Variants in TSPAN5 observed in about 807,000 individuals in gnomAD.
TSPAN5 encodes tetraspanin-5.
TSPAN5 carries 10 observed loss-of-function variants against 37.1 expected under a neutral mutation model. The ratio of observed to expected loss-of-function variants is 0.27; its 90% CI spans 0.17 to 0.46. The LOEUF (loss-of-function observed/expected upper bound fraction) is 0.46. Among genes scored for constraint, TSPAN5 ranks in the 20% least tolerant of loss-of-function variants. The pLI, the probability that TSPAN5 is intolerant of heterozygous loss-of-function variation, is 1.00. For missense variants in TSPAN5, 195 were observed against 326.6 expected, an observed-to-expected ratio of 0.60 and a Z score of 3.11; for synonymous variants, 110 against 118.9, an observed-to-expected ratio of 0.93 and a Z score of 0.48.
intron 1 of TSPAN5, among the ~76,000 whole-genome samples, chr4:98,533,543 C>CATTTTTTTTTTTTTTTT (rs1754149818): frequency 1.7e-5 from 1 of 58,582 alleles, no homozygotes; most frequent in Non-Finnish European, 2.7e-5. Context: ...TCCCCTATAT[C>CATTTTTTTTTTTTTTTT]TTTTTTTTTT....
At chr4:98,552,466 T>A (rs1283717677) in intron 1 of TSPAN5, among the ~76,000 whole-genome samples, 2 of 152,206 alleles carry the variant, frequency 1.3e-5, no homozygotes, top group Non-Finnish European at 2.9e-5. Flanking sequence ...AGTTTTCCTG[T>A]GTGCTTGTAG....
Position 98,618,845 on chromosome 4 carries a change from T to C in TSPAN5, c.81+39301A>G, listed in dbSNP as rs186453257. On this transcript the variant is annotated intron_variant, in intron 1 of 7. Transcript: ENST00000305798. ...AATTTACAGGCAAAGACAGGGAAAT[T>C]GGCACTCATCTAACAAGTCTATAGC... Among the ~76,000 whole-genome samples the C allele has an allele frequency of 3.5e-3, 539 of 152,280 alleles. 17 individuals carry two copies. Among genetic ancestry groups the C allele is most frequent in the Admixed American group, 0.033 (500 of 15,296 alleles).
chr4:98,635,799 T>C (rs1046268620), intron 1 of TSPAN5, among the ~76,000 whole-genome samples: 1 of 152,180 alleles, frequency 6.6e-6, no homozygotes, highest in African/African-American at 2.4e-5. Context: ...ATTAGACAAA[T>C]ACTCTTTTTA....
chr4:98,626,886 G>GTTTTTTTTTTTTTTTTTTT, intron 1 of TSPAN5, among the ~76,000 whole-genome samples: 1 of 83,484 alleles, frequency 1.2e-5, no homozygotes, highest in Non-Finnish European at 2.2e-5. Context: ...ATGAGAGCAG[G>GTTTTTTTTTTTTTTTTTTT]TTTTTTTTTT....
At chr4:98,492,800 G>C (rs1753112658) in intron 2 of TSPAN5, among the ~76,000 whole-genome samples, 1 of 152,128 alleles carries the variant, frequency 6.6e-6, no homozygotes. Flanking sequence ...GAACTTTTAG[G>C]TGATTTGTCT....
rs143623890 is a variant in TSPAN5 at position 98,657,197 on chromosome 4, A to G, written c.81+949T>C. The stretch of plus-strand genomic sequence containing the variant: ...GCTGAACACGTTTGCCAGATCAAGG[A>G]AAAGAATCAAAACAAACAAACAAAC... On this transcript the variant is annotated intron_variant, in intron 1 of 7. Transcript: ENST00000305798. Among the ~76,000 whole-genome samples, 122 of 152,296 alleles carry G rather than the reference A, an allele frequency of 8.0e-4. 2 individuals carry two copies. Among genetic ancestry groups the G allele is most frequent in the Admixed American group, 1.4e-3 (21 of 15,294 alleles).
intron 1 of TSPAN5, among the ~76,000 whole-genome samples, chr4:98,601,882 A>G (rs1469956999): frequency 6.6e-6 from 1 of 152,168 alleles, no homozygotes; most frequent in African/African-American, 2.4e-5. Flanking sequence ...TTTCACTTAA[A>G]CACTGAGAAA....
chr4:98,499,082 G>A (rs1753283394), intron 2 of TSPAN5, among the ~76,000 whole-genome samples: 1 of 152,212 alleles, frequency 6.6e-6, no homozygotes, highest in South Asian at 2.1e-4. Flanking sequence ...GGGCTGCCAG[G>A]TGGTCACCTG....
intron 1 of TSPAN5, among the ~76,000 whole-genome samples, chr4:98,539,197 G>C (rs984733896): frequency 6.6e-6 from 1 of 150,768 alleles, no homozygotes; most frequent in Non-Finnish European, 1.5e-5. Context: ...TTGTATGTTT[G>C]AAGTAGTCAA....
chr4:98,582,156 C>T (rs1348689115), intron 1 of TSPAN5, among the ~76,000 whole-genome samples: 1 of 152,198 alleles, frequency 6.6e-6, no homozygotes, highest in African/African-American at 2.4e-5. Flanking sequence ...ATATAAACTG[C>T]ATAGCTTTTG....
At chr4:98,483,748 A>C (rs1020118734) in intron 3 of TSPAN5, 1 of 152,286 alleles carries the variant, frequency 6.6e-6, no homozygotes, top group Non-Finnish European at 1.5e-5. Flanking sequence ...AGAGTTCCTG[A>C]TTATATATCC....
chr4:98,518,773 C>G (rs915797157), intron 1 of TSPAN5, among the ~76,000 whole-genome samples: 2 of 152,204 alleles, frequency 1.3e-5, no homozygotes, highest in Non-Finnish European at 2.9e-5. Flanking sequence ...TCGAGACCTA[C>G]TACATCAGAA....
chr4:98,641,994 G>C (rs993612159), intron 1 of TSPAN5, among the ~76,000 whole-genome samples: 1 of 152,192 alleles, frequency 6.6e-6, no homozygotes, highest in African/African-American at 2.4e-5. Context: ...CAAATTATTT[G>C]TAAGGTCTCT....
chr4:98,649,999 T>C (rs1023251964), intron 1 of TSPAN5, among the ~76,000 whole-genome samples: 2 of 152,244 alleles, frequency 1.3e-5, no homozygotes, highest in South Asian at 4.1e-4. Flanking sequence ...CACATCTCTG[T>C]ACTCCAATTT....
intron 1 of TSPAN5, among the ~76,000 whole-genome samples, chr4:98,641,647 G>A (rs763124268): frequency 2.6e-5 from 4 of 152,284 alleles, no homozygotes; most frequent in Non-Finnish European, 4.4e-5. Flanking sequence ...ACAATTCAGC[G>A]TGCACACATC....
intron 1 of TSPAN5, among the ~76,000 whole-genome samples, chr4:98,544,202 A>G (rs1179512623): frequency 6.6e-6 from 1 of 152,180 alleles, no homozygotes; most frequent in East Asian, 1.9e-4. Context: ...TGAATGAATG[A>G]ACAAACAAGT....
At position 98,476,302 on chromosome 4, in the gene TSPAN5, C is replaced by T. The variant is rs1331155083; in HGVS notation, c.628G>A (p.Val210Ile). The part of the protein sequence containing the change: ...CGYDARQKPE[V>I]DQQIVIYTKG... ...GTGTAGATTACAATCTGCTGGTCAA[C>T]TTCCTTCACAAGAGAAGAGGAGAGC... The change falls in exon 7 of 8, where the codon GTT (valine) becomes ATT (isoleucine). Residue 210 changes from valine (V) to isoleucine (I), a missense_variant. By Grantham distance (29) the Val-to-Ile change is conservative (BLOSUM62 3). Transcript: ENST00000305798. 7 of 1,614,148 alleles carry T rather than the reference C, an allele frequency of 4.3e-6. No homozygotes were observed. The highest frequency in any genetic ancestry group is 1.7e-5 in the Admixed American group (1 of 60,034).
chr4:98,646,764 A>G (rs1881449), intron 1 of TSPAN5, among the ~76,000 whole-genome samples: 18,662 of 152,182 alleles, frequency 0.12, 1,362 homozygotes, highest in South Asian at 0.31. Context: ...AACAAAAAAT[A>G]TATGTTACAA....
At chr4:98,615,774 C>T (rs993904455) in intron 1 of TSPAN5, among the ~76,000 whole-genome samples, 8 of 152,094 alleles carry the variant, frequency 5.3e-5, no homozygotes, top group Non-Finnish European at 1.0e-4. Flanking sequence ...TTAGACTCGT[C>T]GGAATTTCAG....
Sources: gnomAD v4.1 joint callset for allele counts (sites outside exome capture counted in the v4.1 genomes callset) on GRCh38, gnomAD v4.1.1 for gene constraint, MANE v1.5 for transcripts, NCBI Gene and HGNC (gene_info 2026-07-23, HGNC 2026-07-21) for gene names.